Variants in PIWIL4 observed in about 807,000 individuals in gnomAD.
PIWIL4 encodes the protein piwi-like protein 4.
A neutral mutation model predicts 100.9 loss-of-function variants in PIWIL4; 50 were observed. The observed-to-expected ratio is 0.50, with a 90% CI of 0.39 to 0.63. The LOEUF (loss-of-function observed/expected upper bound fraction) is 0.63. PIWIL4 is among the 20% of genes least tolerant of loss of function. The pLI, the probability that PIWIL4 is intolerant of heterozygous loss-of-function variation, is 0.00. For missense variants in PIWIL4, 887 were observed against 1,043.3 expected, an observed-to-expected ratio of 0.85 and a Z score of 2.06; for synonymous variants, 342 against 367.5, an observed-to-expected ratio of 0.93 and a Z score of 0.79.
chr11:94,613,014 TTAGAG>T (rs940357243), intron 15 of PIWIL4, among the ~76,000 whole-genome samples: 5 of 152,336 alleles, frequency 3.3e-5, no homozygotes, highest in East Asian at 1.9e-4. Context: ...TATTACAGTA[TTAGAG>T]TATTTTGAAT....
intron 4 of PIWIL4, among the ~76,000 whole-genome samples, chr11:94,582,230 T>C (rs1318541233): frequency 6.6e-6 from 1 of 152,092 alleles, no homozygotes; most frequent in African/African-American, 2.4e-5. Flanking sequence ...AGACATCCTT[T>C]GTTGTCTTAA....
At chr11:94,601,561 G>A (rs1380015775) in intron 11 of PIWIL4, among the ~76,000 whole-genome samples, 2 of 152,174 alleles carry the variant, frequency 1.3e-5, no homozygotes, top group East Asian at 1.9e-4. Context: ...GAGGTTAAAG[G>A]GACCTCCAAG....
At position 94,618,118 on chromosome 11, in the gene PIWIL4, A is replaced by G. The variant is rs1185459588; in HGVS notation, c.2168+11A>G. 3 of 1,550,236 alleles carry G rather than the reference A, an allele frequency of 1.9e-6. No homozygotes were observed. Among genetic ancestry groups the G allele is most frequent in the Non-Finnish European group, 2.6e-6 (3 of 1,144,442 alleles). On this transcript the variant is annotated intron_variant, in intron 17 of 19. Coordinates refer to ENST00000299001, the MANE Select transcript of PIWIL4 (RefSeq NM_152431.3). ...CAGCTCAAATACCAGGTATTCAATT[A>G]TTGTTCTTTCCTCCATACTCCCAAT...
chr11:94,585,603 A>G (rs938080290), intron 6 of PIWIL4, 78 bp downstream of exon 6: 1 of 1,068,830 alleles, frequency 9.4e-7, no homozygotes, highest in Non-Finnish European at 1.4e-6. Context: ...ATATTATACC[A>G]TTATGCCTCC....
intron 15 of PIWIL4, among the ~76,000 whole-genome samples, chr11:94,616,149 A>T (rs1327884123): frequency 6.6e-6 from 1 of 152,230 alleles, no homozygotes; most frequent in East Asian, 1.9e-4. Context: ...TTTTTACCAC[A>T]ACCCTATGAG....
rs575812866 is a variant in PIWIL4, at chr11:94,567,770, C to G, written c.87+165C>G. On this transcript the variant is annotated intron_variant, in intron 1 of 19. Coordinates refer to ENST00000299001, the MANE Select transcript of PIWIL4 (RefSeq NM_152431.3). ...CAAGGTTTCTTCTAACAGTTTTCTC[C>G]TTCTAGGGATCTTGTCTGAGTAAGA... 3 of 1,252,180 alleles carry G rather than the reference C, an allele frequency of 2.4e-6. No homozygotes were observed. The African/African-American group carries it at 4.6e-5, about 19-fold the overall frequency. 77.6% of individuals were successfully genotyped at this position (1,252,180 alleles called of 1,614,324 possible). A position where few individuals can be genotyped will look rare whatever the true frequency, so the allele number is the denominator to read the frequency against.
chr11:94,606,042 G>T (rs1158137624), intron 13 of PIWIL4, among the ~76,000 whole-genome samples: 1 of 152,186 alleles, frequency 6.6e-6, no homozygotes, highest in Non-Finnish European at 1.5e-5. Context: ...TAGATACAAA[G>T]ATTTGGGGCA....
chr11:94,594,828 G>C (rs374031322), intron 9 of PIWIL4, among the ~76,000 whole-genome samples: 2 of 152,132 alleles, frequency 1.3e-5, no homozygotes, highest in African/African-American at 4.8e-5. Flanking sequence ...CACAGCGCCC[G>C]GCCTAAGGGG....
intron 8 of PIWIL4, among the ~76,000 whole-genome samples, chr11:94,592,962 G>C (rs981197280): frequency 7.9e-5 from 12 of 152,130 alleles, no homozygotes; most frequent in African/African-American, 2.9e-4. Context: ...CACAGCCCAA[G>C]CAAATAGAAG....
At chr11:94,617,635 T>A (rs188158323) in intron 16 of PIWIL4, among the ~76,000 whole-genome samples, 1 of 152,160 alleles carries the variant, frequency 6.6e-6, no homozygotes, top group Non-Finnish European at 1.5e-5. Flanking sequence ...ACACTAATAT[T>A]TGATTTTAGG....
At position 94,568,784 on chromosome 11, in the gene PIWIL4, G is replaced by A. The variant is rs1291769535; in HGVS notation, c.142G>A (p.Gly48Arg). Residue 48 changes from glycine to arginine, a missense_variant, in exon 2 of 20, where the codon GGA becomes AGA. This residue lies in a region of PIWIL4 where 146 missense variants were observed against 113.4 expected (regional missense o/e 1.29). Transcript: ENST00000299001. ...AGCATCCTCTAGCAATGGCTTCTTG[G>A]GAACAAGCAGGATCTCAACCAACGG... ...NEASSSNGFL[G>R]TSRISTNDKY... 1.9e-6 allele frequency: 3 copies of A among 1,605,486 alleles called. No individual in the cohort carries two copies. The African/African-American group carries it at 4.0e-5, about 22-fold the overall frequency.
At position 94,621,162 on chromosome 11, in the gene PIWIL4, G is replaced by T; in HGVS notation, c.*170G>T. 1.8e-6 allele frequency: 1 copy of T among 547,502 alleles called. No homozygotes were observed. The highest frequency in any genetic ancestry group is 3.2e-6 in the Non-Finnish European group (1 of 309,060). The allele number at this position is 547,502 out of a possible 1,614,324, so 33.9% of individuals were successfully genotyped here. On this transcript the variant is annotated 3_prime_UTR_variant, in exon 20 of 20. Coordinates refer to ENST00000299001, the MANE Select transcript of PIWIL4 (RefSeq NM_152431.3). The stretch of plus-strand genomic sequence containing the variant: ...AATCTGAAACAGTTTTAAAAAATGT[G>T]TGTTATTTTGTTTTAAAGAGTTGTA...
intron 11 of PIWIL4, among the ~76,000 whole-genome samples, chr11:94,600,096 G>A (rs1948612809): frequency 6.6e-6 from 1 of 152,106 alleles, no homozygotes; most frequent in African/African-American, 2.4e-5. Context: ...ATAGTCTGAG[G>A]ATATAAGCAG....
rs201952078 is a variant in PIWIL4 at position 94,595,396 on chromosome 11, G to A, written c.1238G>A (p.Arg413His). 125 of 1,613,786 alleles carry A rather than the reference G, an allele frequency of 7.7e-5. No homozygotes were observed. The highest frequency in any genetic ancestry group is 2.9e-4 in the East Asian group (13 of 44,884). ...CTCAGTCCTTCAGGCCGGCAGCAGCGCCTGGCCAGGCTTGTGGACAACATC... is the reference window on the plus strand; with the variant it reads ...CTCAGTCCTTCAGGCCGGCAGCAGCACCTGGCCAGGCTTGTGGACAACATC... ...TRLSPSGRQQRLARLVDNIQR... is the reference protein window; with the variant it reads ...TRLSPSGRQQHLARLVDNIQR... Residue 413 changes from arginine (R) to histidine (H), a missense_variant, in exon 10 of 20, where the codon CGC becomes CAC. Around this residue, in one of 2 missense-constraint regions of PIWIL4, gnomAD observed 741 missense variants for 930.0 expected, o/e 0.80. Coordinates refer to ENST00000299001, the MANE Select transcript of PIWIL4 (RefSeq NM_152431.3).
rs191017338 is a variant in PIWIL4, at chr11:94,591,187, A to G, written c.1026+1955A>G. 2.6e-3 allele frequency among the ~76,000 whole-genome samples: 399 copies of G among 152,206 alleles called. 2 individuals carry two copies. The highest frequency in any genetic ancestry group is 8.1e-3 in the African/African-American group (335 of 41,530). On this transcript the variant is annotated intron_variant, in intron 8 of 19. Transcript: ENST00000299001. ...TAGTTTGGCCCCCTCTTTCTTTCTT[A>G]TATTTCTCAGCATCCCTCCTATGCA... is the stretch of plus-strand genomic sequence containing the variant.
At chr11:94,611,300 A>G (rs371991258) in intron 15 of PIWIL4, among the ~76,000 whole-genome samples, 3 of 152,282 alleles carry the variant, frequency 2.0e-5, no homozygotes, top group South Asian at 4.1e-4. Flanking sequence ...AACTTTTAAT[A>G]TACTGTTGAA....
rs12276921 is a variant in PIWIL4 at position 94,575,065 on chromosome 11, A to G, written c.233A>G (p.Gln78Arg). Residue 78 changes from glutamine (Q) to arginine (R), a missense_variant, in exon 3 of 20, where the codon CAG becomes CGG. By Grantham distance (43) the Gln-to-Arg change is conservative. This residue lies in a region of PIWIL4 where 146 missense variants were observed against 113.4 expected (regional missense o/e 1.29). Transcript: ENST00000299001. ...TFMERGVKNK[Q>R]DFMDLSICTR... is the part of the protein sequence containing the mutation. ...ATGGAAAGAGGTGTGAAAAACAAACAGGACTTTATGGATTTGAGTATCTGT... is the reference window on the plus strand; with the variant it reads ...ATGGAAAGAGGTGTGAAAAACAAACGGGACTTTATGGATTTGAGTATCTGT... 5.4e-4 allele frequency: 866 copies of G among 1,613,918 alleles called. 4 individuals are homozygous for G. The African/African-American group carries it at 9.7e-3, about 18-fold the overall frequency.
intron 8 of PIWIL4, 28 bp downstream of exon 8, chr11:94,589,260 C>G: frequency 6.5e-7 from 1 of 1,527,154 alleles, no homozygotes; most frequent in African/African-American, 1.4e-5. Context: ...GCATCTCTAT[C>G]TCCTTTTCTT....
chr11:94,574,343 A>G (rs1948206392), intron 2 of PIWIL4, among the ~76,000 whole-genome samples: 1 of 152,168 alleles, frequency 6.6e-6, no homozygotes, highest in South Asian at 2.1e-4. Context: ...TGCTGAGGAC[A>G]GAAGTTAGTC....
Sources: gnomAD v4.1 joint callset for allele counts (sites outside exome capture counted in the v4.1 genomes callset) on GRCh38, gnomAD v4.1.1 for gene constraint, gnomAD v4.1.1 regional missense constraint, MANE v1.5 for transcripts, NCBI Gene and HGNC (gene_info 2026-07-23, HGNC 2026-07-21) for gene names.